ELF2: variants seen among roughly 807,000 people sequenced by gnomAD.
The protein encoded by ELF2 is E74 like ETS transcription factor 2, also known as ETS-related transcription factor Elf-2.
Under a neutral mutation model 54.8 loss-of-function variants are expected in ELF2, and 11 were observed. That is an observed-to-expected ratio of 0.20 (90% CI 0.13 to 0.33). The LOEUF is 0.33. Ranked by LOEUF, ELF2 falls within the 10% of genes least tolerant of loss-of-function variation. The probability of loss-of-function intolerance (pLI) is 1.00; values close to 1 mark genes in which losing one functional copy is unlikely to be tolerated. For synonymous variants in ELF2, 203 were observed against 245.1 expected (o/e 0.83, Z 1.61); for missense variants, 513 against 703.0 (o/e 0.73, Z 3.06).
rs1436389780 is a variant in ELF2 at position 139,151,084 on chromosome 4, GAAAGAAAGAAAA to G, written c.-251-11599_-251-11588del. The stretch of plus-strand genomic sequence containing the variant: ...AGAAAGAAAGAAAGAAAGAAAGAAA[GAAAGAAAGAAAA>G]AGAGAGCTATTTAATAAATTGTGCT... On this transcript the variant is annotated intron_variant, in intron 1 of 9. Coordinates refer to ENST00000686138, the MANE Select transcript of ELF2 (RefSeq NM_001331036.3). Among the ~76,000 whole-genome samples, 8 of 131,662 alleles carry G rather than the reference GAAAGAAAGAAAA, an allele frequency of 6.1e-5. 1 individual carries two copies. Among genetic ancestry groups the G allele is most frequent in the African/African-American group, 1.6e-4 (6 of 37,768 alleles). The allele number at this position is 131,662 out of a possible 152,430, so 86.4% of individuals were successfully genotyped here. A position where few individuals can be genotyped will look rare whatever the true frequency, so the allele number is the denominator to read the frequency against.
At chr4:139,115,409 C>T in intron 4 of ELF2, 1 of 996,276 alleles carries the variant, frequency 1.0e-6, no homozygotes, top group Non-Finnish European at 1.2e-6. Context: ...GCATCGGGCC[C>T]CTCCCTGCGC....
At chr4:139,165,593 G>A (rs555932018) in intron 1 of ELF2, among the ~76,000 whole-genome samples, 1 of 152,152 alleles carries the variant, frequency 6.6e-6, no homozygotes, top group East Asian at 1.9e-4. Context: ...AATCCCAGAG[G>A]CAGAGGTTAC....
chr4:139,142,943 G>A (rs1265720393), intron 1 of ELF2, among the ~76,000 whole-genome samples: 1 of 152,142 alleles, frequency 6.6e-6, no homozygotes, highest in Admixed American at 6.5e-5. Flanking sequence ...AAATTGATGT[G>A]GATTGACTGC....
At chr4:139,099,045 C>T (rs989002742) in intron 4 of ELF2, among the ~76,000 whole-genome samples, 5 of 152,186 alleles carry the variant, frequency 3.3e-5, no homozygotes, top group Admixed American at 1.3e-4. Flanking sequence ...TTGAAAGCTA[C>T]GTCTTCTATG....
intron 3 of ELF2, 81 bp downstream of exon 3, chr4:139,137,549 A>T: frequency 7.5e-7 from 1 of 1,329,420 alleles, no homozygotes; most frequent in Non-Finnish European, 1.1e-6. Context: ...ACTCTCAAAT[A>T]TGTTTCCTAT....
chr4:139,162,308 G>A (rs951494198), intron 1 of ELF2, among the ~76,000 whole-genome samples: 1 of 152,118 alleles, frequency 6.6e-6, no homozygotes, highest in African/African-American at 2.4e-5. Context: ...CACAAGGTCA[G>A]GAGTTCAAGA....
At chr4:139,109,320 A>G (rs1734727956) in intron 4 of ELF2, among the ~76,000 whole-genome samples, 1 of 152,216 alleles carries the variant, frequency 6.6e-6, no homozygotes. Flanking sequence ...AGAAAAATGC[A>G]CTACCACGGC....
At chr4:139,074,638 T>C (rs1730022128) in intron 4 of ELF2, among the ~76,000 whole-genome samples, 2 of 151,808 alleles carry the variant, frequency 1.3e-5, no homozygotes. Flanking sequence ...CGGGCACCTG[T>C]AGTCCCAGCT....
rs963143925 is a variant in ELF2 at position 139,062,048 on chromosome 4, G to A, written c.623C>T (p.Thr208Ile). Reference protein sequence around the residue: ...KKPREGKGNTTYLWEFLLDLL... With the variant: ...KKPREGKGNTIYLWEFLLDLL... ...ATCTAAAAGAAACTCCCACAAATAG[G>A]TTGTGTTTCCTTTAAAAACAATGAC... is the stretch of plus-strand genomic sequence containing the variant. Residue 208 changes from threonine to isoleucine, a missense_variant, in exon 8 of 10, where the codon ACC becomes ATC. Physicochemically the swap from Thr to Ile is moderately conservative, Grantham distance 89. This residue lies in a region of ELF2 where 203 missense variants were observed against 245.9 expected (regional missense o/e 0.83). Transcript: ENST00000686138. The A allele has an allele frequency of 1.9e-6, 3 of 1,611,328 alleles. No individual in the cohort carries two copies. The highest frequency in any genetic ancestry group is 2.2e-5 in the South Asian group (2 of 90,176).
intron 5 of ELF2, 68 bp downstream of exon 5, chr4:139,073,385 CA>C: frequency 8.8e-7 from 1 of 1,139,846 alleles, no homozygotes; most frequent in South Asian, 2.0e-5. Flanking sequence ...ATTAAAAAAA[CA>C]AAAAACTTTA....
intron 6 of ELF2, among the ~76,000 whole-genome samples, chr4:139,067,972 C>T (rs1214662100): frequency 6.6e-6 from 1 of 151,804 alleles, no homozygotes; most frequent in African/African-American, 2.4e-5. Flanking sequence ...TAATCTCTGT[C>T]ATACACATTG....
chr4:139,115,188 G>C, intron 4 of ELF2: 1 of 1,612,034 alleles, frequency 6.2e-7, no homozygotes, highest in Admixed American at 1.7e-5. Context: ...GTAGCTCCTT[G>C]CGGTCATACT....
chr4:139,102,754 T>C (rs976073274), intron 4 of ELF2, among the ~76,000 whole-genome samples: 5 of 151,688 alleles, frequency 3.3e-5, no homozygotes, highest in African/African-American at 2.4e-5. Context: ...GGCAGCAGAA[T>C]TGCTTGAACC....
Position 139,060,765 on chromosome 4 carries a change from A to G in ELF2, c.807-91T>C, listed in dbSNP as rs1382711000. The stretch of plus-strand genomic sequence containing the variant: ...AAAAAGACCACATACAGTGGATACT[A>G]ACAGAAACATTCCCTTATCTCTAAT... On this transcript the variant is annotated intron_variant, in intron 8 of 9. Coordinates refer to ENST00000686138, the MANE Select transcript of ELF2 (RefSeq NM_001331036.3). 4 of 1,001,456 alleles carry G rather than the reference A, an allele frequency of 4.0e-6. No individual in the cohort carries two copies. In the African/African-American group the frequency reaches 4.8e-5, roughly 12 times the overall value. 62.0% of individuals were successfully genotyped at this position (1,001,456 alleles called of 1,614,324 possible). A position where few individuals can be genotyped will look rare whatever the true frequency, so the allele number is the denominator to read the frequency against.
intron 4 of ELF2, among the ~76,000 whole-genome samples, chr4:139,092,415 ACAT>A (rs1337793600): frequency 1.1e-4 from 1 of 9,436 alleles, no homozygotes; most frequent in Non-Finnish European, 2.1e-4. Context: ...AACATAACAT[ACAT>A]AACATAACAT....
intron 4 of ELF2, among the ~76,000 whole-genome samples, chr4:139,122,969 A>G (rs917002067): frequency 6.6e-6 from 1 of 151,774 alleles, no homozygotes; most frequent in African/African-American, 2.4e-5. Flanking sequence ...CAGATCACGA[A>G]GTCAAGAAAT....
At chr4:139,113,146 C>T (rs1578829425) in intron 4 of ELF2, among the ~76,000 whole-genome samples, 1 of 151,996 alleles carries the variant, frequency 6.6e-6, no homozygotes, top group African/African-American at 2.4e-5. Flanking sequence ...TTGCTTGAGC[C>T]CAGTAGTATG....
intron 3 of ELF2, chr4:139,137,226 A>G (rs1738271142): frequency 1.2e-5 from 2 of 163,516 alleles, no homozygotes; most frequent in South Asian, 4.0e-4. Flanking sequence ...GATATAAAAT[A>G]ATCAAGAAAC....
intron 1 of ELF2, among the ~76,000 whole-genome samples, chr4:139,161,540 G>T (rs1257111697): frequency 3.4e-5 from 5 of 148,720 alleles, no homozygotes; most frequent in Non-Finnish European, 7.4e-5. Context: ...TCTTTTTTAG[G>T]TTAACATCTG....
Sources: allele counts gnomAD v4.1 joint callset (sites outside exome capture counted in the v4.1 genomes callset), GRCh38; gene constraint gnomAD v4.1.1; regional missense constraint gnomAD v4.1.1; transcripts MANE v1.5; gene names NCBI Gene and HGNC (gene_info 2026-07-23, HGNC 2026-07-21).